SOX5: variants seen among roughly 807,000 people sequenced by gnomAD.
SOX5 encodes transcription factor SOX-5.
A neutral mutation model predicts 92.0 loss-of-function variants in SOX5; 9 were observed. The ratio of observed to expected loss-of-function variants is 0.10; its 90% confidence interval spans 0.06 to 0.17. The LOEUF (loss-of-function observed/expected upper bound fraction) is 0.17, where lower values mean the gene tolerates loss of function less well. Among genes scored for constraint, SOX5 ranks in the 10% least tolerant of loss-of-function variants. The pLI is 1.00. For synonymous variants in SOX5, 344 were observed against 336.3 expected (o/e 1.02, Z -0.25); for missense variants, 642 against 944.5 (o/e 0.68, Z 4.20).
chr12:23,681,262 A>T (rs2086582749), intron 6 of SOX5, among the ~76,000 whole-genome samples: 1 of 151,918 alleles, frequency 6.6e-6, no homozygotes, highest in African/African-American at 2.4e-5. Context: ...AAAACCCATA[A>T]AAAATAGAAA....
intron 8 of SOX5, among the ~76,000 whole-genome samples, chr12:23,632,897 A>G (rs912722328): frequency 2.0e-4 from 30 of 152,130 alleles, no homozygotes; most frequent in Non-Finnish European, 4.0e-4. Context: ...ATTTATGACA[A>G]CTTGGAATTT....
At chr12:23,912,341 A>G (rs1379563742) in intron 1 of SOX5, among the ~76,000 whole-genome samples, 1 of 152,206 alleles carries the variant, frequency 6.6e-6, no homozygotes, top group Non-Finnish European at 1.5e-5. Flanking sequence ...TAAAAAGGAC[A>G]GACAATAACA....
intron 4 of SOX5, among the ~76,000 whole-genome samples, chr12:24,106,224 TCCTA>T (rs1263825181): frequency 1.3e-5 from 2 of 148,804 alleles, no homozygotes; most frequent in African/African-American, 4.9e-5. Context: ...ACACACCAAG[TCCTA>T]ACAAGTCAAT....
rs11047340 is a variant in SOX5 at position 24,272,932 on chromosome 12, T to A, written c.-77+4284A>T. 7.4e-3 allele frequency among the ~76,000 whole-genome samples: 1,107 copies of A among 150,086 alleles called. 47 individuals are homozygous for A. The highest frequency in any genetic ancestry group is 0.066 in the Admixed American group (992 of 15,040). On this transcript the variant is annotated intron_variant, in intron 3 of 4. Coordinates refer to the SOX5 transcript ENST00000446891. ...CTTCTATCTTTTGAAAAAAAAAAAA[T>A]TATGTAACATTAGACTTTGGCTGAG...
chr12:23,895,770 AC>A, intron 2 of SOX5, 22 bp downstream of exon 2: 11 of 1,538,398 alleles, frequency 7.2e-6, no homozygotes, highest in Non-Finnish European at 9.0e-6. Flanking sequence ...GAGTGTAGGC[AC>A]AATAAACCAT....
chr12:23,567,749 C>T (rs561362232), intron 10 of SOX5, among the ~76,000 whole-genome samples: 4 of 152,040 alleles, frequency 2.6e-5, no homozygotes, highest in African/African-American at 7.2e-5. Context: ...AGCCACCATG[C>T]CTGGCCTGCA....
intron 1 of SOX5, among the ~76,000 whole-genome samples, chr12:24,508,954 A>G (rs1405756695): frequency 6.6e-6 from 1 of 152,182 alleles, no homozygotes; most frequent in Non-Finnish European, 1.5e-5. Context: ...AAATACAGGG[A>G]ATGAGGAAAA....
chr12:23,564,774 T>G (rs1476529853), intron 10 of SOX5, among the ~76,000 whole-genome samples: 1 of 152,250 alleles, frequency 6.6e-6, no homozygotes, highest in Non-Finnish European at 1.5e-5. Flanking sequence ...GTTCTGGTAC[T>G]AAGAGCCTTG....
At chr12:24,337,678 G>A (rs932845565) in intron 2 of SOX5, among the ~76,000 whole-genome samples, 8 of 152,102 alleles carry the variant, frequency 5.3e-5, no homozygotes, top group Admixed American at 5.2e-4. Context: ...AAGTTCGGTA[G>A]ACATGTATTA....
At chr12:23,729,581 A>C (rs1173613685) in intron 6 of SOX5, among the ~76,000 whole-genome samples, 2 of 152,284 alleles carry the variant, frequency 1.3e-5, no homozygotes, top group South Asian at 4.1e-4. Flanking sequence ...TTAACTTATG[A>C]ATCAGAAACA....
At chr12:23,556,904 C>T (rs899925929) in intron 11 of SOX5, among the ~76,000 whole-genome samples, 10 of 152,206 alleles carry the variant, frequency 6.6e-5, no homozygotes, top group Non-Finnish European at 1.0e-4. Context: ...CTGGCCCCAT[C>T]CATCAGATGG....
At chr12:24,508,428 C>T (rs1949003687) in intron 1 of SOX5, among the ~76,000 whole-genome samples, 1 of 152,046 alleles carries the variant, frequency 6.6e-6, no homozygotes, top group Non-Finnish European at 1.5e-5. Flanking sequence ...GACTTTGACA[C>T]TGAGATACAG....
chr12:23,891,434 A>G (rs1356208083), intron 2 of SOX5, among the ~76,000 whole-genome samples: 1 of 152,196 alleles, frequency 6.6e-6, no homozygotes, highest in Non-Finnish European at 1.5e-5. Flanking sequence ...TAAGTTTTAT[A>G]CTGAAAGCAT....
intron 4 of SOX5, among the ~76,000 whole-genome samples, chr12:24,036,713 A>G (rs1956078192): frequency 6.6e-6 from 1 of 152,074 alleles, no homozygotes; most frequent in African/African-American, 2.4e-5. Context: ...CAAACTGTGG[A>G]CTCAGTGATG....
At chr12:23,932,737 G>C (rs984758834) in intron 1 of SOX5, among the ~76,000 whole-genome samples, 2 of 151,292 alleles carry the variant, frequency 1.3e-5, no homozygotes, top group Non-Finnish European at 3.0e-5. Context: ...ACATTTTTTA[G>C]GTGACCACAA....
chr12:24,211,519 T>C (rs1462605273), intron 4 of SOX5, among the ~76,000 whole-genome samples: 1 of 152,274 alleles, frequency 6.6e-6, no homozygotes, highest in African/African-American at 2.4e-5. Flanking sequence ...TTTCTTTGAA[T>C]ATTAGTATAA....
chr12:23,743,373 G>A (rs934011045), intron 4 of SOX5, among the ~76,000 whole-genome samples: 12 of 151,760 alleles, frequency 7.9e-5, no homozygotes, highest in Admixed American at 5.9e-4. Context: ...ACAGTGGCAC[G>A]ATCTCACCTC....
chr12:23,893,891 G>A (rs11047151), intron 2 of SOX5, among the ~76,000 whole-genome samples: 2,746 of 152,230 alleles, frequency 0.018, 85 homozygotes, highest in African/African-American at 0.062. Flanking sequence ...AAAAGGAGAG[G>A]GAGGAATGAT....
intron 7 of SOX5, among the ~76,000 whole-genome samples, chr12:23,660,945 A>G (rs183103428): frequency 2.0e-5 from 3 of 152,270 alleles, no homozygotes; most frequent in East Asian, 3.9e-4. Flanking sequence ...CTGTGCCCCT[A>G]TGAATTAGCT....
Sources: gnomAD v4.1 joint callset for allele counts (sites outside exome capture counted in the v4.1 genomes callset) on GRCh38, gnomAD v4.1.1 for gene constraint, MANE v1.5 for transcripts, NCBI Gene and HGNC (gene_info 2026-07-23, HGNC 2026-07-21) for gene names.